APOBEC3B: variants seen among roughly 807,000 people sequenced by gnomAD.
The protein encoded by APOBEC3B is DNA dC->dU-editing enzyme APOBEC-3B.
In APOBEC3B, 29 loss-of-function variants were observed where a neutral mutation model predicts 53.4. That is an observed-to-expected ratio of 0.54 (90% CI 0.40 to 0.74). The LOEUF (loss-of-function observed/expected upper bound fraction) is 0.74. Ranked by LOEUF, APOBEC3B falls within the 30% of genes least tolerant of loss-of-function variation. The probability of loss-of-function intolerance (pLI) is 0.00; values close to 1 mark genes in which losing one functional copy is unlikely to be tolerated. For missense variants in APOBEC3B, 347 were observed against 496.2 expected, an observed-to-expected ratio of 0.70 and a Z score of 2.86; for synonymous variants, 132 against 184.8, an observed-to-expected ratio of 0.71 and a Z score of 2.32.
chr22:38,988,681 T>TTC (rs58110435), intron 4 of APOBEC3B, among the ~76,000 whole-genome samples: 8,687 of 63,236 alleles, frequency 0.14, 1,848 homozygotes, highest in Admixed American at 0.21. Flanking sequence ...CTTTCTCTCT[T>TTC]TCTCTTTCTT....
intron 4 of APOBEC3B, 39 bp downstream of exon 4, chr22:38,986,451 C>T (rs751740386): frequency 1.5e-5 from 23 of 1,579,552 alleles, no homozygotes; most frequent in Admixed American, 1.8e-5. Context: ...TCTCTCCTCT[C>T]ACCTGCTCAT....
At chr22:38,989,313 C>T in intron 4 of APOBEC3B, 144 bp from the exon 5 acceptor site, 1 of 692,834 alleles carries the variant, frequency 1.4e-6, no homozygotes, top group Non-Finnish European at 2.2e-6. Context: ...ATCAGTGGCC[C>T]CCACAAAGGG....
chr22:38,983,906 C>T (rs892552652), intron 1 of APOBEC3B, among the ~76,000 whole-genome samples, 169 bp from the exon 2 acceptor site: 1 of 148,222 alleles, frequency 6.7e-6, no homozygotes, highest in African/African-American at 2.5e-5. Flanking sequence ...ATCCCCTCCT[C>T]TTCCTCTCCC....
rs1374444670 is a variant in APOBEC3B, at chr22:38,983,528, C to G, written c.18-547C>G. On this transcript the variant is annotated intron_variant, in intron 1 of 7. Coordinates refer to ENST00000333467, the MANE Select transcript of APOBEC3B (RefSeq NM_004900.5). ...CCATCCGTCCCCAGCTCTGTGGCCTCGGCAGGTTACCCCGCCTCTCTGTGC... is the reference window on the plus strand; with the variant it reads ...CCATCCGTCCCCAGCTCTGTGGCCTGGGCAGGTTACCCCGCCTCTCTGTGC... 4.0e-5 allele frequency among the ~76,000 whole-genome samples: 6 copies of G among 148,252 alleles called. No individual in the cohort carries two copies. The South Asian group carries it at 6.6e-4, about 16-fold the overall frequency.
Position 38,986,066 on chromosome 22 carries a change from C to T in APOBEC3B, c.429C>T (p.Ala143=). 6.3e-7 allele frequency: 1 copy of T among 1,592,410 alleles called. No homozygotes were observed. Among genetic ancestry groups the T allele is most frequent in the Non-Finnish European group, 8.5e-7 (1 of 1,172,530 alleles). The change falls in exon 3 of 8, where the codon GCC becomes GCT. Residue 143 remains alanine, a synonymous_variant. Coordinates refer to ENST00000333467, the MANE Select transcript of APOBEC3B (RefSeq NM_004900.5). ...TCTGCAGGCTGAGTCAGGCAGGAGCCCGCGTGACGATCATGGACTATGAAG... is the reference window on the plus strand; with the variant it reads ...TCTGCAGGCTGAGTCAGGCAGGAGCTCGCGTGACGATCATGGACTATGAAG... ...RALCRLSQAG[A]RVTIMDYEEF... is the part of the protein sequence containing the mutation.
At position 38,982,475 on chromosome 22, in the gene APOBEC3B, C is replaced by G; in HGVS notation, c.17+5C>G. On this transcript the variant is annotated splice_donor_5th_base_variant and intron_variant, in intron 1 of 7. Coordinates refer to ENST00000333467, the MANE Select transcript of APOBEC3B (RefSeq NM_004900.5). ...GAACATGAATCCACAGATCAGGTAC[C>G]GCTGCCCACTCTGCCTGCTGGGCCC... 6.3e-7 allele frequency: 1 copy of G among 1,593,538 alleles called. No individual in the cohort carries two copies. The highest frequency in any genetic ancestry group is 8.5e-7 in the Non-Finnish European group (1 of 1,172,580).
Position 38,983,591 on chromosome 22 carries a change from C to A in APOBEC3B, c.18-484C>A, listed in dbSNP as rs578126108. Among the ~76,000 whole-genome samples the A allele has an allele frequency of 3.6e-4, 54 of 148,910 alleles. 1 individual carries two copies. Among genetic ancestry groups the A allele is most frequent in the African/African-American group, 1.2e-3 (49 of 41,004 alleles). ...CTCTGTAAGATGGGAATGGCCCCTG[C>A]AGGCCTAGGGTAGCCTCACGTGAGC... On this transcript the variant is annotated intron_variant, in intron 1 of 7. Transcript: ENST00000333467.
At chr22:38,991,942 G>A (rs1450754153) in intron 6 of APOBEC3B, 92 bp from the exon 7 acceptor site, 1 of 1,446,812 alleles carries the variant, frequency 6.9e-7, no homozygotes, top group Non-Finnish European at 9.1e-7. Context: ...CTGAAACCAG[G>A]ATGTGGGAAG....
chr22:38,992,655 C>A lies in APOBEC3B; in HGVS notation c.*210C>A. On this transcript the variant is annotated 3_prime_UTR_variant, in exon 8 of 8. Transcript: ENST00000333467. ...AAATTTCTCTTATGTTCCAAGTGTA[C>A]AAGAGTAAGATTATGCTCAATATTC... The A allele has an allele frequency of 7.3e-7, 1 of 1,367,530 alleles. No individual in the cohort carries two copies. Among genetic ancestry groups the A allele is most frequent in the Middle Eastern group, 1.9e-4 (1 of 5,320 alleles). The allele number at this position is 1,367,530 out of a possible 1,614,324, so 84.7% of individuals were successfully genotyped here.
rs369407878 is a variant in APOBEC3B at position 38,984,249 on chromosome 22, A to C, written c.174+18A>C. On this transcript the variant is annotated intron_variant, in intron 2 of 7. Coordinates refer to ENST00000333467, the MANE Select transcript of APOBEC3B (RefSeq NM_004900.5). ...GAGGCCAGGTACCACCCAAACTTCA[A>C]TCGAATCACAGGCAGTGTTGCAGGA... 1 of 1,588,026 alleles carries C rather than the reference A, an allele frequency of 6.3e-7. No individual in the cohort carries two copies.
chr22:38,986,628 G>A (rs563306616), intron 4 of APOBEC3B, among the ~76,000 whole-genome samples: 4 of 148,450 alleles, frequency 2.7e-5, no homozygotes, highest in Admixed American at 6.9e-5. Context: ...TGCCTCTAAG[G>A]CACCTGGGTC....
intron 4 of APOBEC3B, among the ~76,000 whole-genome samples, chr22:38,989,176 G>A (rs1923888880): frequency 6.8e-6 from 1 of 148,054 alleles, no homozygotes; most frequent in Admixed American, 6.9e-5. Flanking sequence ...CAGGGAGAGG[G>A]GCAGGGTCCT....
chr22:38,986,003 C>T lies in APOBEC3B; in HGVS notation c.366C>T (p.Arg122=). Residue 122 remains arginine (R), a synonymous_variant, in exon 3 of 8, where the codon CGC becomes CGT. Transcript: ENST00000333467. ...PNVTLTISAA[R]LYYYWERDYR... ...TCACCCTGACCATCTCTGCCGCCCG[C>T]CTCTACTACTACTGGGAAAGAGATT... 2 of 1,594,204 alleles carry T rather than the reference C, an allele frequency of 1.3e-6. No homozygotes were observed. The highest frequency in any genetic ancestry group is 2.5e-5 in the East Asian group (1 of 40,518).
At position 38,985,027 on chromosome 22, in the gene APOBEC3B, G is replaced by A. The variant is rs1021130667; in HGVS notation, c.175-785G>A. ...AGTGATTCTTCGGCCTTAGCCTCCC[G>A]AATAGCTGGGATTACAGAAGGCTGC... On this transcript the variant is annotated intron_variant, in intron 2 of 7. Coordinates refer to ENST00000333467, the MANE Select transcript of APOBEC3B (RefSeq NM_004900.5). Among the ~76,000 whole-genome samples the A allele has an allele frequency of 8.4e-5, 12 of 143,494 alleles. 1 individual carries two copies. Among genetic ancestry groups the A allele is most frequent in the African/African-American group, 1.3e-4 (5 of 39,366 alleles). The allele number at this position is 143,494 out of a possible 152,430, so 94.1% of individuals were successfully genotyped here.
chr22:38,991,674 G>C (rs1303173085), intron 6 of APOBEC3B, 48 bp downstream of exon 6: 1 of 1,460,652 alleles, frequency 6.8e-7, no homozygotes, highest in Non-Finnish European at 9.3e-7. Flanking sequence ...GGGCAGGAGA[G>C]GTTCCTGGGA....
chr22:38,985,952 C>T lies in APOBEC3B; in HGVS notation c.315C>T (p.Ala105=), dbSNP rs150187552. The T allele has an allele frequency of 4.8e-4, 762 of 1,601,368 alleles. 40 individuals carry two copies. In the African/African-American group the frequency reaches 8.9e-3, roughly 19 times the overall value. The change falls in exon 3 of 8, where the codon GCC becomes GCT. Residue 105 remains alanine, a synonymous_variant. Coordinates refer to ENST00000333467, the MANE Select transcript of APOBEC3B (RefSeq NM_004900.5). ...GCCCGGACTGTGTGGCGAAGCTGGC[C>T]GAATTCCTGTCTGAGCACCCCAATG... ...TPCPDCVAKL[A]EFLSEHPNVT...
In APOBEC3B at chr22:38,983,919, C is replaced by T. The variant is rs1487501825; in HGVS notation, c.18-156C>T. On this transcript the variant is annotated intron_variant, in intron 1 of 7. Transcript: ENST00000333467. ...GCATCCCCTCCTCTTCCTCTCCCCT[C>T]AGTCTTCCTGCCTGGGAAGGCAGCA... Among the ~76,000 whole-genome samples the T allele has an allele frequency of 8.1e-5, 12 of 148,134 alleles. 1 individual carries two copies. Among genetic ancestry groups the T allele is most frequent in the Non-Finnish European group, 1.2e-4 (8 of 67,170 alleles).
Position 38,982,368 on chromosome 22 carries a change from C to T in APOBEC3B, c.-86C>T. 1 of 1,559,094 alleles carries T rather than the reference C, an allele frequency of 6.4e-7. No individual in the cohort carries two copies. Among genetic ancestry groups the T allele is most frequent in the Non-Finnish European group, 8.7e-7 (1 of 1,144,000 alleles). On this transcript the variant is annotated 5_prime_UTR_variant, in exon 1 of 8. Coordinates refer to ENST00000333467, the MANE Select transcript of APOBEC3B (RefSeq NM_004900.5). ...GGTCACTTTAAGGAGGGCTGTCCAA[C>T]TGCAAGGACGCTGTAAGCAGGAAGT...
At chr22:38,989,321 G>A (rs1348057795) in intron 4 of APOBEC3B, 136 bp from the exon 5 acceptor site, 1 of 751,870 alleles carries the variant, frequency 1.3e-6, no homozygotes, top group Non-Finnish European at 2.0e-6. Flanking sequence ...CCCCCACAAA[G>A]GGAGTGGAAG....
Sources: gnomAD v4.1 joint callset for allele counts (sites outside exome capture counted in the v4.1 genomes callset) on GRCh38, gnomAD v4.1.1 for gene constraint, MANE v1.5 for transcripts, NCBI Gene and HGNC (gene_info 2026-07-23, HGNC 2026-07-21) for gene names.